The following PRMT8 variants were observed in gnomAD, a reference collection of about 807,000 sequenced individuals.
PRMT8 encodes protein arginine methyltransferase 8.
PRMT8 carries 7 observed loss-of-function variants against 47.1 expected under a neutral mutation model. The ratio of observed to expected loss-of-function variants is 0.15; its 90% CI spans 0.08 to 0.28. The LOEUF is 0.28. Among genes scored for constraint, PRMT8 ranks in the 10% least tolerant of loss-of-function variants. The pLI is 1.00. For synonymous variants in PRMT8, 188 were observed against 186.5 expected (o/e 1.01, Z -0.07); for missense variants, 237 against 505.4 (o/e 0.47, Z 5.09).
intron 1 of PRMT8, among the ~76,000 whole-genome samples, chr12:3,532,782 T>C (rs1203490698): frequency 6.6e-6 from 1 of 152,178 alleles, no homozygotes; most frequent in Non-Finnish European, 1.5e-5. Flanking sequence ...CAGAATCACC[T>C]GCTGGGACCC....
chr12:3,494,431 A>G (rs1316049017), intron 1 of PRMT8, among the ~76,000 whole-genome samples: 2 of 152,178 alleles, frequency 1.3e-5, no homozygotes, highest in Non-Finnish European at 2.9e-5. Context: ...GCAATTGCTG[A>G]AAGTCTTCTG....
chr12:3,452,446 A>T (rs1423415732), intron 1 of PRMT8, among the ~76,000 whole-genome samples: 2 of 152,142 alleles, frequency 1.3e-5, no homozygotes, highest in Admixed American at 1.3e-4. Context: ...CACATTTTTC[A>T]TACATTTTCC....
chr12:3,455,097 G>T (rs1864959563), intron 1 of PRMT8, among the ~76,000 whole-genome samples: 2 of 152,096 alleles, frequency 1.3e-5, no homozygotes, highest in Non-Finnish European at 2.9e-5. Flanking sequence ...ATGGAGTTTG[G>T]GGGCTCCTCC....
intron 1 of PRMT8, among the ~76,000 whole-genome samples, chr12:3,417,108 C>T (rs576877395): frequency 6.6e-6 from 1 of 152,032 alleles, no homozygotes; most frequent in Non-Finnish European, 1.5e-5. Context: ...TGAGCAGAGG[C>T]GTGTAATAGA....
intron 1 of PRMT8, among the ~76,000 whole-genome samples, chr12:3,513,650 C>T (rs1261582762): frequency 6.6e-6 from 1 of 152,128 alleles, no homozygotes. Flanking sequence ...AGTTCCCTGC[C>T]GAATTTTCTC....
chr12:3,591,407 C>CTT (rs34619063), intron 8 of PRMT8, among the ~76,000 whole-genome samples: 10,214 of 115,616 alleles, frequency 0.088, 660 homozygotes, highest in African/African-American at 0.12. Context: ...AGGGAAAGCT[C>CTT]TTTTTTTTTT....
rs1231035931 is a variant in PRMT8 at position 3,577,424 on chromosome 12, G to C, written c.828+438G>C. Among the ~76,000 whole-genome samples the C allele has an allele frequency of 2.0e-5, 3 of 152,040 alleles. No individual in the cohort carries two copies. In the South Asian group the frequency reaches 6.2e-4, roughly 32 times the overall value. On this transcript the variant is annotated intron_variant, in intron 7 of 9. Transcript: ENST00000382622. ...CTCCACACACACCTTTGCCCCAGCG[G>C]CCTGCCAGATAGAGCTTCCAGCTGC...
rs1865397913 is a variant in PRMT8 at position 3,491,550 on chromosome 12, GCTCT to G, written c.-71_-68del. 2 of 1,496,256 alleles carry G rather than the reference GCTCT, an allele frequency of 1.3e-6. No individual in the cohort carries two copies. The highest frequency in any genetic ancestry group is 8.9e-7 in the Non-Finnish European group (1 of 1,123,250). 92.7% of individuals were successfully genotyped at this position (1,496,256 alleles called of 1,614,324 possible). On this transcript the variant is annotated 5_prime_UTR_variant, in exon 1 of 10. Coordinates refer to ENST00000382622, the MANE Select transcript of PRMT8 (RefSeq NM_019854.5). Reference sequence around the variant, plus strand: ...ATTTTTTTTTTTCTCCCATCCTCTCGCTCTCTCTTTTAAAGCGACACCAGCTCTC... The same window carrying G: ...ATTTTTTTTTTTCTCCCATCCTCTCGCTCTTTTAAAGCGACACCAGCTCTC...
At chr12:3,487,405 C>G (rs990076031), upstream of PRMT8, among the ~76,000 whole-genome samples, 1 of 152,166 alleles carries the variant, frequency 6.6e-6, no homozygotes, top group Non-Finnish European at 1.5e-5. Context: ...TGGGCAGCAG[C>G]AAAAGGAAGT....
At chr12:3,563,931 C>A (rs1866676844) in intron 4 of PRMT8, among the ~76,000 whole-genome samples, 1 of 151,778 alleles carries the variant, frequency 6.6e-6, no homozygotes, top group Admixed American at 6.6e-5. Flanking sequence ...ACCCAATGCC[C>A]CCCACCTTTT....
chr12:3,442,897 T>C (rs1393425978), intron 1 of PRMT8, among the ~76,000 whole-genome samples: 2 of 152,128 alleles, frequency 1.3e-5, no homozygotes, highest in Non-Finnish European at 2.9e-5. Context: ...GACCTGGTGA[T>C]CCACCCGCCT....
intron 1 of PRMT8, among the ~76,000 whole-genome samples, chr12:3,408,489 G>C (rs114017760): frequency 0.021 from 3,154 of 152,202 alleles, 105 homozygotes; most frequent in African/African-American, 0.067. Flanking sequence ...TTCCTGCCTT[G>C]GCCTTCCAAA....
At chr12:3,511,352 G>A (rs1402786040) in intron 1 of PRMT8, among the ~76,000 whole-genome samples, 3 of 152,182 alleles carry the variant, frequency 2.0e-5, no homozygotes, top group Non-Finnish European at 4.4e-5. Flanking sequence ...GGGAGCAGCA[G>A]GAAGACTTGG....
At chr12:3,420,747 G>T (rs1864532101) in intron 1 of PRMT8, among the ~76,000 whole-genome samples, 1 of 152,234 alleles carries the variant, frequency 6.6e-6, no homozygotes, top group Admixed American at 6.5e-5. Flanking sequence ...AGAACAGCCT[G>T]ATTTCCTCCC....
chr12:3,399,253 A>G (rs1864294112), intron 1 of PRMT8, among the ~76,000 whole-genome samples: 1 of 152,208 alleles, frequency 6.6e-6, no homozygotes, highest in Non-Finnish European at 1.5e-5. Context: ...CACAGGACAC[A>G]GATGCAGATG....
At chr12:3,397,527 G>C (rs1012992267) in intron 1 of PRMT8, among the ~76,000 whole-genome samples, 8 of 151,296 alleles carry the variant, frequency 5.3e-5, no homozygotes, top group Non-Finnish European at 8.8e-5. Context: ...CTGCTCGGGG[G>C]TCAGGGGTCA....
intron 1 of PRMT8, among the ~76,000 whole-genome samples, chr12:3,420,841 T>C (rs1864533264): frequency 6.6e-6 from 1 of 152,206 alleles, no homozygotes; most frequent in African/African-American, 2.4e-5. Flanking sequence ...AATACTCACC[T>C]ACTCACAGGG....
rs555617243 is a variant in PRMT8 at position 3,396,618 on chromosome 12, C to A, written c.48+15176C>A. Reference sequence around the variant, plus strand: ...GATGGGCTTCCCTTTGTGGGTAACCCGACCTTTCTCTCTGGCTGCCCTTAA... The same window carrying A: ...GATGGGCTTCCCTTTGTGGGTAACCAGACCTTTCTCTCTGGCTGCCCTTAA... On this transcript the variant is annotated intron_variant, in intron 1 of 9. Transcript: ENST00000452611. Among the ~76,000 whole-genome samples, 4 of 152,168 alleles carry A rather than the reference C, an allele frequency of 2.6e-5. No homozygotes were observed. The East Asian group carries it at 7.7e-4, about 29-fold the overall frequency.
rs947444215 is a variant in PRMT8 at position 3,491,500 on chromosome 12, C to T, written c.-126C>T. The T allele has an allele frequency of 8.3e-6, 12 of 1,444,670 alleles. No individual in the cohort carries two copies. In the African/African-American group the frequency reaches 1.6e-4, roughly 19 times the overall value. 89.5% of individuals were successfully genotyped at this position (1,444,670 alleles called of 1,614,324 possible). A position where few individuals can be genotyped will look rare whatever the true frequency, so the allele number is the denominator to read the frequency against. On this transcript the variant is annotated 5_prime_UTR_variant, in exon 1 of 10. It adds an upstream start codon to the 5' untranslated region. Coordinates refer to ENST00000382622, the MANE Select transcript of PRMT8 (RefSeq NM_019854.5). ...CGCTGTGGCTGACTGTGCCGGCCGA[C>T]GCTCCAGCTGAGGGGCTGGGTTGGA... is the stretch of plus-strand genomic sequence containing the variant.
Sources: allele counts gnomAD v4.1 joint callset (sites outside exome capture counted in the v4.1 genomes callset), GRCh38; gene constraint gnomAD v4.1.1; transcripts MANE v1.5; gene names NCBI Gene and HGNC (gene_info 2026-07-23, HGNC 2026-07-21).